The following PLCG2 variants were observed in gnomAD, a reference collection of about 807,000 sequenced individuals.
The protein encoded by PLCG2 is 1-phosphatidylinositol 4,5-bisphosphate phosphodiesterase gamma-2.
Under a neutral mutation model 175.6 loss-of-function variants are expected in PLCG2, and 69 were observed. The ratio of observed to expected loss-of-function variants is 0.39; its 90% CI spans 0.32 to 0.48. The LOEUF is 0.48. PLCG2 is among the 20% of genes least tolerant of loss of function. The pLI is 0.91. For synonymous variants in PLCG2, 827 were observed against 624.0 expected (o/e 1.33, Z -4.85); for missense variants, 1,798 against 1,650.9 (o/e 1.09, Z -1.54).
chr16:81,819,854 G>T (rs1381036451), intron 2 of PLCG2, among the ~76,000 whole-genome samples: 3 of 152,200 alleles, frequency 2.0e-5, no homozygotes, highest in Non-Finnish European at 4.4e-5. Context: ...AAAGTGCTGG[G>T]ATTACAGCTG....
chr16:81,955,803 G>A (rs377416343), intron 31 of PLCG2, among the ~76,000 whole-genome samples: 2 of 152,202 alleles, frequency 1.3e-5, no homozygotes, highest in South Asian at 2.1e-4. Context: ...TTGTACTGGT[G>A]GGGGAAGTAG....
chr16:81,838,734 C>A (rs1464040489), intron 2 of PLCG2, among the ~76,000 whole-genome samples: 1 of 150,720 alleles, frequency 6.6e-6, no homozygotes, highest in Non-Finnish European at 1.5e-5. Flanking sequence ...ATGTAACAAA[C>A]CTGCACGTTC....
intron 19 of PLCG2, among the ~76,000 whole-genome samples, chr16:81,912,961 T>C (rs1196457466): frequency 1.3e-5 from 2 of 152,212 alleles, no homozygotes; most frequent in African/African-American, 4.8e-5. Flanking sequence ...AGTAACTCTG[T>C]GGGGTTGACA....
At chr16:81,760,757 A>T (rs866934556) in intron 2 of PLCG2, among the ~76,000 whole-genome samples, 14 of 146,344 alleles carry the variant, frequency 9.6e-5, no homozygotes, top group African/African-American at 3.5e-4. Flanking sequence ...TTAAAAAAAA[A>T]AATAATAATA....
At chr16:81,869,130 T>C (rs1269724472) in intron 5 of PLCG2, 84 bp from the exon 6 acceptor site, 19 of 956,080 alleles carry the variant, frequency 2.0e-5, no homozygotes, top group Non-Finnish European at 2.9e-5. Flanking sequence ...GAGGGCTGCC[T>C]GAGGTGGGAA....
chr16:81,856,260 T>C (rs1340095370), intron 3 of PLCG2, among the ~76,000 whole-genome samples: 1 of 152,158 alleles, frequency 6.6e-6, no homozygotes, highest in African/African-American at 2.4e-5. Flanking sequence ...TACCTGGTGC[T>C]TAAGGAGAGG....
rs117201095 is a variant in PLCG2, at chr16:81,847,523, C to T, written c.194-6921C>T. ...CCTGAGGTATCTAGGAGCCCCCAGC[C>T]CTACAAAAAGATACTTATCACTGCA... On this transcript the variant is annotated intron_variant, in intron 2 of 32. Transcript: ENST00000564138. 2.6e-5 allele frequency among the ~76,000 whole-genome samples: 4 copies of T among 152,166 alleles called. No individual in the cohort carries two copies. The East Asian group carries it at 5.8e-4, about 22-fold the overall frequency.
chr16:81,920,447 A>T (rs1030724044), intron 20 of PLCG2, among the ~76,000 whole-genome samples: 8 of 152,236 alleles, frequency 5.3e-5, no homozygotes, highest in African/African-American at 1.9e-4. Flanking sequence ...GGTAGCATGA[A>T]ATATAATAAA....
At position 81,910,724 on chromosome 16, in the gene PLCG2, C is replaced by T. The variant is rs370532346; in HGVS notation, c.1934+4C>T. ...CCAACCCCCACGAGTCCAAGCCGTACGTGTCTGAGGGTGGAGCAGGAGGCA... is the reference window on the plus strand; with the variant it reads ...CCAACCCCCACGAGTCCAAGCCGTATGTGTCTGAGGGTGGAGCAGGAGGCA... On this transcript the variant is annotated splice_donor_region_variant and intron_variant, in intron 18 of 32. Transcript: ENST00000564138. 196 of 1,606,328 alleles carry T rather than the reference C, an allele frequency of 1.2e-4. No individual in the cohort carries two copies. Among genetic ancestry groups the T allele is most frequent in the Middle Eastern group, 6.6e-4 (4 of 6,060 alleles).
intron 2 of PLCG2, among the ~76,000 whole-genome samples, chr16:81,815,870 G>A (rs1267662954): frequency 2.0e-5 from 3 of 151,902 alleles, no homozygotes; most frequent in African/African-American, 7.3e-5. Context: ...AGACCAGCCC[G>A]GCCAACATTG....
chr16:81,893,384 A>T (rs905585380), intron 11 of PLCG2, among the ~76,000 whole-genome samples: 10 of 151,362 alleles, frequency 6.6e-5, no homozygotes, highest in African/African-American at 2.2e-4. Context: ...GGCCTTGTTA[A>T]TTCATCTTCT....
chr16:81,934,851 A>G (rs56728944), intron 26 of PLCG2, among the ~76,000 whole-genome samples: 1,557 of 152,302 alleles, frequency 0.01, 30 homozygotes, highest in African/African-American at 0.035. Context: ...AATGAGAAGC[A>G]AGTGAAAGGG....
intron 2 of PLCG2, among the ~76,000 whole-genome samples, chr16:81,796,026 A>C (rs1023215209): frequency 6.6e-6 from 1 of 152,206 alleles, no homozygotes. Context: ...AGGCAGCTCT[A>C]GGTGCCCCAG....
intron 2 of PLCG2, among the ~76,000 whole-genome samples, chr16:81,838,305 T>C (rs893431393): frequency 1.3e-5 from 2 of 152,196 alleles, no homozygotes; most frequent in African/African-American, 2.4e-5. Flanking sequence ...CAGGCAGGTT[T>C]TGAGCTCCTG....
intron 13 of PLCG2, among the ~76,000 whole-genome samples, chr16:81,899,613 T>C (rs1244365609): frequency 6.6e-6 from 1 of 152,152 alleles, no homozygotes; most frequent in Non-Finnish European, 1.5e-5. Context: ...CACCATCTGT[T>C]GACTGCCATG....
At chr16:81,791,834 G>C (rs911958875) in intron 2 of PLCG2, among the ~76,000 whole-genome samples, 1 of 152,090 alleles carries the variant, frequency 6.6e-6, no homozygotes, top group Non-Finnish European at 1.5e-5. Context: ...CAAAGTGCTG[G>C]GATTACAGGC....
At chr16:81,747,685 A>T (rs1909731564) in intron 1 of PLCG2, among the ~76,000 whole-genome samples, 1 of 152,196 alleles carries the variant, frequency 6.6e-6, no homozygotes, top group African/African-American at 2.4e-5. Flanking sequence ...ATAAGGTGCA[A>T]CATCATCTAT....
intron 2 of PLCG2, among the ~76,000 whole-genome samples, chr16:81,822,095 T>C (rs913317429): frequency 3.9e-5 from 6 of 152,212 alleles, no homozygotes; most frequent in Admixed American, 1.3e-4. Context: ...GTCTTTTTTT[T>C]CTTCCTTTTT....
At chr16:81,826,844 AT>A (rs369823486) in intron 2 of PLCG2, among the ~76,000 whole-genome samples, 7 of 152,280 alleles carry the variant, frequency 4.6e-5, no homozygotes, top group African/African-American at 1.7e-4. Context: ...GCCGGAGACA[AT>A]TTTGAGTAAT....
Sources: gnomAD v4.1 joint callset for allele counts (sites outside exome capture counted in the v4.1 genomes callset) on GRCh38, gnomAD v4.1.1 for gene constraint, MANE v1.5 for transcripts, NCBI Gene and HGNC (gene_info 2026-07-23, HGNC 2026-07-21) for gene names.